ADGRL2: variants seen among roughly 807,000 people sequenced by gnomAD.
ADGRL2 encodes adhesion G protein-coupled receptor L2.
In ADGRL2, 44 loss-of-function variants were observed where a neutral mutation model predicts 157.4. The observed-to-expected ratio is 0.28, with a 90% CI of 0.22 to 0.36. The LOEUF (loss-of-function observed/expected upper bound fraction) is 0.36, where lower values mean the gene tolerates loss of function less well. ADGRL2 is among the 10% of genes least tolerant of loss of function. ADGRL2 has a pLI of 1.00. For missense variants in ADGRL2, 1,510 were observed against 1,768.9 expected (o/e 0.85, Z 2.63); for synonymous variants, 585 against 624.7 (o/e 0.94, Z 0.95).
At chr1:81,845,531 C>A in intron 2 of ADGRL2, among the ~76,000 whole-genome samples, 1 of 152,072 alleles carries the variant, frequency 6.6e-6, no homozygotes, top group East Asian at 1.9e-4. Flanking sequence ...AAAAGGGTAT[C>A]TGATTATAAA....
intron 2 of ADGRL2, among the ~76,000 whole-genome samples, chr1:81,857,487 C>T (rs182228596): frequency 2.0e-5 from 3 of 152,152 alleles, no homozygotes; most frequent in African/African-American, 7.2e-5. Context: ...TCTTTGATGC[C>T]GGACATCTTA....
At chr1:81,923,233 G>T (rs1306957516) in intron 3 of ADGRL2, among the ~76,000 whole-genome samples, 1 of 152,114 alleles carries the variant, frequency 6.6e-6, no homozygotes, top group African/African-American at 2.4e-5. Context: ...GTTTTTAATT[G>T]TACAAACACA....
intron 3 of ADGRL2, among the ~76,000 whole-genome samples, chr1:81,598,254 G>T: frequency 6.6e-6 from 1 of 152,218 alleles, no homozygotes; most frequent in East Asian, 1.9e-4. Flanking sequence ...GAGTTACACA[G>T]CTAATATTGG....
chr1:81,821,078 A>G lies in ADGRL2; in HGVS notation c.-100-15807A>G, dbSNP rs2090946477. Reference sequence around the variant, plus strand: ...CATAGCTATGCATAAGGTAATCAGCATGAAATAAAGGGAAGTTAATTAAAT... The same window carrying G: ...CATAGCTATGCATAAGGTAATCAGCGTGAAATAAAGGGAAGTTAATTAAAT... On this transcript the variant is annotated intron_variant, in intron 1 of 23. Transcript: ENST00000686636. 2.0e-5 allele frequency among the ~76,000 whole-genome samples: 3 copies of G among 152,320 alleles called. No homozygotes were observed. The South Asian group carries it at 6.2e-4, about 32-fold the overall frequency.
intron 2 of ADGRL2, among the ~76,000 whole-genome samples, chr1:81,895,468 G>C (rs938167549): frequency 7.1e-5 from 10 of 140,776 alleles, no homozygotes; most frequent in Non-Finnish European, 1.4e-4. Context: ...GTGCAGTCTC[G>C]GCTCACTACA....
chr1:81,336,950 A>G (rs1318975222), intron 1 of ADGRL2, among the ~76,000 whole-genome samples: 1 of 151,872 alleles, frequency 6.6e-6, no homozygotes, highest in Non-Finnish European at 1.5e-5. Flanking sequence ...GAGAAGAAGG[A>G]GCTTGACATC....
At position 81,435,823 on chromosome 1, in the gene ADGRL2, G is replaced by A. The variant is rs147197799; in HGVS notation, c.-301-9213G>A. 3.4e-4 allele frequency among the ~76,000 whole-genome samples: 52 copies of A among 152,292 alleles called. No homozygotes were observed. The East Asian group carries it at 9.7e-3, about 28-fold the overall frequency. On this transcript the variant is annotated intron_variant, in intron 1 of 24. Coordinates refer to the ADGRL2 transcript ENST00000370721. ...AAAATCATACATCTTCAGACAGGGT[G>A]CGGTGGCTCATGCCTGTAATCCCAG...
At chr1:81,502,238 G>A in intron 2 of ADGRL2, 1 of 1,610,872 alleles carries the variant, frequency 6.2e-7, no homozygotes, top group South Asian at 1.1e-5. Context: ...TGGACAACAA[G>A]CTAAAGAAGA....
intron 2 of ADGRL2, among the ~76,000 whole-genome samples, chr1:81,527,983 C>T (rs564900361): frequency 3.8e-4 from 58 of 152,112 alleles, no homozygotes; most frequent in Admixed American, 3.5e-3. Flanking sequence ...AGGAGAATGA[C>T]GTGAACCCGG....
chr1:81,613,384 T>G (rs560141814), intron 3 of ADGRL2, among the ~76,000 whole-genome samples: 2 of 152,308 alleles, frequency 1.3e-5, no homozygotes, highest in Admixed American at 1.3e-4. Flanking sequence ...GTGGGATGTT[T>G]CTGTGCATGA....
intron 1 of ADGRL2, among the ~76,000 whole-genome samples, chr1:81,405,486 T>C (rs2076836796): frequency 6.6e-6 from 1 of 151,954 alleles, no homozygotes; most frequent in Non-Finnish European, 1.5e-5. Context: ...CCGGTCTCCA[T>C]GAATAATTTT....
At chr1:81,770,452 C>T (rs938839389) in intron 2 of ADGRL2, among the ~76,000 whole-genome samples, 26 of 151,684 alleles carry the variant, frequency 1.7e-4, no homozygotes, top group Non-Finnish European at 3.4e-4. Flanking sequence ...TGAGCCACCA[C>T]GCCTGGCTGC....
At chr1:81,844,372 A>G (rs1159834194) in intron 2 of ADGRL2, among the ~76,000 whole-genome samples, 1 of 152,146 alleles carries the variant, frequency 6.6e-6, no homozygotes, top group East Asian at 1.9e-4. Flanking sequence ...GAAGCTCTTC[A>G]TTTTTTGAAT....
At chr1:81,436,129 G>A (rs912000721) in intron 1 of ADGRL2, among the ~76,000 whole-genome samples, 5 of 152,066 alleles carry the variant, frequency 3.3e-5, no homozygotes, top group African/African-American at 1.2e-4. Flanking sequence ...ATCTTCAAAA[G>A]GAAAGTATTC....
At chr1:81,683,100 T>C (rs1260681804) in intron 3 of ADGRL2, among the ~76,000 whole-genome samples, 1 of 152,152 alleles carries the variant, frequency 6.6e-6, no homozygotes, top group Non-Finnish European at 1.5e-5. Flanking sequence ...GCCACTGCAC[T>C]GCAGCCTGGG....
intron 2 of ADGRL2, among the ~76,000 whole-genome samples, chr1:81,765,820 T>C (rs1244675787): frequency 6.6e-6 from 1 of 152,150 alleles, no homozygotes; most frequent in East Asian, 1.9e-4. Context: ...CTCCACATTA[T>C]AGTCAGCTAT....
intron 1 of ADGRL2, among the ~76,000 whole-genome samples, chr1:81,338,309 G>A (rs1661801437): frequency 6.6e-6 from 1 of 152,168 alleles, no homozygotes; most frequent in African/African-American, 2.4e-5. Flanking sequence ...GTTGCAGTGA[G>A]CCAAGATGGC....
At chr1:81,825,046 T>C (rs755021302) in intron 1 of ADGRL2, among the ~76,000 whole-genome samples, 17 of 151,634 alleles carry the variant, frequency 1.1e-4, no homozygotes, top group Non-Finnish European at 1.8e-4. Flanking sequence ...TTTCTTGTTG[T>C]TAAAATACAT....
At chr1:81,315,301 T>A (rs1660028760) in intron 1 of ADGRL2, among the ~76,000 whole-genome samples, 1 of 152,026 alleles carries the variant, frequency 6.6e-6, no homozygotes, top group Non-Finnish European at 1.5e-5. Flanking sequence ...CAAATTAACC[T>A]CAGTATAAGG....
Sources: gnomAD v4.1 joint callset for allele counts (sites outside exome capture counted in the v4.1 genomes callset) on GRCh38, gnomAD v4.1.1 for gene constraint, MANE v1.5 for transcripts, NCBI Gene and HGNC (gene_info 2026-07-23, HGNC 2026-07-21) for gene names.